RAB6A: variants seen among roughly 807,000 people sequenced by gnomAD.
RAB6A encodes the protein ras-related protein Rab-6A.
RAB6A carries 8 observed loss-of-function variants against 32.3 expected under a neutral mutation model. The ratio of observed to expected loss-of-function variants is 0.25; its 90% CI spans 0.15 to 0.45. The LOEUF is 0.45. RAB6A is among the 20% of genes least tolerant of loss of function. The pLI, the probability that RAB6A is intolerant of heterozygous loss-of-function variation, is 1.00. For synonymous variants in RAB6A, 73 were observed against 82.1 expected, an observed-to-expected ratio of 0.89 and a Z score of 0.60; for missense variants, 104 against 249.4, an observed-to-expected ratio of 0.42 and a Z score of 3.93.
intron 1 of RAB6A, among the ~76,000 whole-genome samples, chr11:73,736,823 A>AG (rs1385778005): frequency 2.1e-5 from 3 of 146,148 alleles, no homozygotes; most frequent in African/African-American, 7.7e-5. Context: ...AAAAAAAAAA[A>AG]AAACAATTAG....
chr11:73,698,849 A>AT (rs555410867), intron 6 of RAB6A, among the ~76,000 whole-genome samples: 73,036 of 118,354 alleles, frequency 0.62, 24,008 homozygotes, highest in Middle Eastern at 0.72. Context: ...TTTTTTTGCG[A>AT]TTTTTTTTTT....
At chr11:73,722,332 TATATATA>T (rs1565364975) in intron 2 of RAB6A, 1 of 9,650 alleles carries the variant, frequency 1.0e-4, no homozygotes, top group African/African-American at 3.5e-4. Flanking sequence ...TATATATATA[TATATATA>T]TATATTTTTT....
intron 1 of RAB6A, among the ~76,000 whole-genome samples, chr11:73,736,246 T>C (rs1474846174): frequency 6.6e-6 from 1 of 151,614 alleles, no homozygotes; most frequent in Non-Finnish European, 1.5e-5. Flanking sequence ...CTGGCCAACA[T>C]GGTGAAACCC....
At chr11:73,692,319 A>ACG (rs2134885792) in intron 6 of RAB6A, among the ~76,000 whole-genome samples, 2 of 150,900 alleles carry the variant, frequency 1.3e-5, no homozygotes, top group East Asian at 4.0e-4. Context: ...CCTGGCTAAC[A>ACG]GTGAAACCCC....
Position 73,718,723 on chromosome 11 carries a change from C to A in RAB6A, c.184-5G>T, listed in dbSNP as rs562629020. The A allele has an allele frequency of 2.7e-5, 44 of 1,613,848 alleles. No homozygotes were observed. The highest frequency in any genetic ancestry group is 3.7e-5 in the Non-Finnish European group (44 of 1,179,918). On this transcript the variant is annotated splice_region_variant and splice_polypyrimidine_tract_variant and intron_variant, in intron 3 of 7. Coordinates refer to ENST00000336083, the MANE Select transcript of RAB6A (RefSeq NM_198896.2). ...GTCCCATAATTGCAATCGTACCTAA[C>A]AACAAAATCAGTCAAACAAGCAAGA...
intron 1 of RAB6A, among the ~76,000 whole-genome samples, chr11:73,739,300 T>TAC (rs1946457510): frequency 1.3e-5 from 1 of 78,810 alleles, no homozygotes; most frequent in Non-Finnish European, 2.5e-5. Context: ...TATATATATA[T>TAC]ATATAAATAC....
chr11:73,678,725 GTTT>G (rs113575507), intron 7 of RAB6A, among the ~76,000 whole-genome samples: 1 of 144,654 alleles, frequency 6.9e-6, no homozygotes, highest in Non-Finnish European at 1.5e-5. Flanking sequence ...TTGTTGTTGT[GTTT>G]TTTTTTTTGG....
At chr11:73,738,550 G>T (rs775320387) in intron 1 of RAB6A, among the ~76,000 whole-genome samples, 1 of 152,180 alleles carries the variant, frequency 6.6e-6, no homozygotes, top group South Asian at 2.1e-4. Context: ...TACTTGGGAG[G>T]TTGAGGCAGG....
chr11:73,731,990 C>T (rs1395663873), intron 1 of RAB6A, among the ~76,000 whole-genome samples: 2 of 151,200 alleles, frequency 1.3e-5, no homozygotes, highest in Admixed American at 6.6e-5. Flanking sequence ...TCGCCCGCCT[C>T]GGCCTCCCAA....
At chr11:73,712,145 TCA>T (rs754246089) in intron 5 of RAB6A, among the ~76,000 whole-genome samples, 7 of 152,204 alleles carry the variant, frequency 4.6e-5, no homozygotes, top group Non-Finnish European at 8.8e-5. Flanking sequence ...GAACCAGAAT[TCA>T]GTTAGTCCTT....
intron 6 of RAB6A, among the ~76,000 whole-genome samples, chr11:73,692,869 G>A (rs896179949): frequency 2.6e-5 from 4 of 151,400 alleles, no homozygotes; most frequent in African/African-American, 4.9e-5. Context: ...GCTGAGGCAG[G>A]AGAATGGCGT....
chr11:73,733,954 T>G (rs922856706), intron 1 of RAB6A, among the ~76,000 whole-genome samples: 1 of 152,158 alleles, frequency 6.6e-6, no homozygotes, highest in Non-Finnish European at 1.5e-5. Context: ...AAATAAAATC[T>G]TTTTCTCAAA....
chr11:73,715,369 C>T (rs755653181), intron 5 of RAB6A, among the ~76,000 whole-genome samples: 1 of 152,154 alleles, frequency 6.6e-6, no homozygotes, highest in Non-Finnish European at 1.5e-5. Context: ...CGTGTTCCAC[C>T]GTCCTTGGCC....
intron 6 of RAB6A, among the ~76,000 whole-genome samples, chr11:73,686,713 G>C (rs931447738): frequency 1.3e-5 from 2 of 152,248 alleles, no homozygotes; most frequent in East Asian, 1.9e-4. Context: ...TTTAAATAAT[G>C]AAAATAGGTT....
intron 1 of RAB6A, among the ~76,000 whole-genome samples, chr11:73,745,524 C>A (rs1206950308): frequency 6.6e-6 from 1 of 152,134 alleles, no homozygotes; most frequent in Non-Finnish European, 1.5e-5. Context: ...GCAGGTGGAT[C>A]ACTTGAGGTC....
intron 6 of RAB6A, among the ~76,000 whole-genome samples, chr11:73,705,475 G>A (rs1945824020): frequency 6.6e-6 from 1 of 152,090 alleles, no homozygotes; most frequent in Admixed American, 6.6e-5. Flanking sequence ...TTGAACCCTG[G>A]AGGCAGAGGT....
intron 6 of RAB6A, among the ~76,000 whole-genome samples, chr11:73,706,098 T>C (rs982262236): frequency 2.0e-5 from 3 of 152,204 alleles, no homozygotes; most frequent in African/African-American, 4.8e-5. Context: ...ACTTACATTA[T>C]GATTCAAGGC....
chr11:73,723,288 GAA>G (rs556321352), intron 2 of RAB6A, among the ~76,000 whole-genome samples: 22 of 150,882 alleles, frequency 1.5e-4, no homozygotes, highest in African/African-American at 2.7e-4. Flanking sequence ...TACTGGGGGG[GAA>G]AAAAAGAAAG....
chr11:73,685,812 G>A (rs1443507714), intron 6 of RAB6A, among the ~76,000 whole-genome samples: 1 of 147,218 alleles, frequency 6.8e-6, no homozygotes, highest in Non-Finnish European at 1.5e-5. Flanking sequence ...TTGAACCGGG[G>A]AGGTGGAGGT....
Sources: gnomAD v4.1 joint callset for allele counts (sites outside exome capture counted in the v4.1 genomes callset) on GRCh38, gnomAD v4.1.1 for gene constraint, MANE v1.5 for transcripts, NCBI Gene and HGNC (gene_info 2026-07-23, HGNC 2026-07-21) for gene names.